PDE1C: variants seen among roughly 807,000 people sequenced by gnomAD.
The protein encoded by PDE1C is phosphodiesterase 1C, also known as dual specificity calcium/calmodulin-dependent 3',5'-cyclic nucleotide phosphodiesterase 1C.
PDE1C carries 62 observed loss-of-function variants against 93.1 expected under a neutral mutation model. The observed-to-expected ratio is 0.67, with a 90% confidence interval of 0.54 to 0.82. The LOEUF (loss-of-function observed/expected upper bound fraction) is 0.82. PDE1C is among the 40% of genes least tolerant of loss of function. The pLI is 0.00. For synonymous variants in PDE1C, 325 were observed against 310.1 expected, an observed-to-expected ratio of 1.05 and a Z score of -0.50; for missense variants, 742 against 884.6, an observed-to-expected ratio of 0.84 and a Z score of 2.04.
At chr7:32,230,188 A>G (rs1439654093) in intron 1 of PDE1C, among the ~76,000 whole-genome samples, 6 of 152,160 alleles carry the variant, frequency 3.9e-5, no homozygotes, top group Admixed American at 3.9e-4. Context: ...GCCCCTGCAC[A>G]AGCCTTCCTG....
At chr7:31,990,161 C>T (rs977693603) in intron 2 of PDE1C, among the ~76,000 whole-genome samples, 2 of 152,154 alleles carry the variant, frequency 1.3e-5, no homozygotes, top group Admixed American at 1.3e-4. Flanking sequence ...GCTCTGTATC[C>T]CCATCCAAAT....
At chr7:32,354,957 T>A (rs931230363) in intron 1 of PDE1C, among the ~76,000 whole-genome samples, 2 of 152,242 alleles carry the variant, frequency 1.3e-5, no homozygotes, top group Non-Finnish European at 2.9e-5. Flanking sequence ...TCAGTGGCCA[T>A]TGGAGTTTCC....
intron 2 of PDE1C, among the ~76,000 whole-genome samples, chr7:32,174,882 T>A (rs754484510): frequency 9.2e-5 from 14 of 152,216 alleles, no homozygotes; most frequent in Middle Eastern, 6.8e-3. Flanking sequence ...TGAAATTACA[T>A]CTTACCCATA....
At chr7:31,720,342 A>G in the PDE1C span, among the ~76,000 whole-genome samples, 1 of 152,050 alleles carries the variant, frequency 6.6e-6, no homozygotes, top group South Asian at 2.1e-4. Context: ...GGCCCTTGAG[A>G]GCAGGGTCAG....
At chr7:32,312,763 T>C (rs1783078340) in intron 1 of PDE1C, among the ~76,000 whole-genome samples, 1 of 152,124 alleles carries the variant, frequency 6.6e-6, no homozygotes, top group Non-Finnish European at 1.5e-5. Context: ...TCAAAATGGA[T>C]TAAAGACTTA....
intron 3 of PDE1C, among the ~76,000 whole-genome samples, chr7:32,087,907 C>A (rs1055898069): frequency 2.0e-5 from 3 of 151,114 alleles, no homozygotes; most frequent in Non-Finnish European, 4.4e-5. Flanking sequence ...TGCTAAATGA[C>A]GAGTTAATGG....
At position 31,894,604 on chromosome 7, in the gene PDE1C, C is replaced by T. The variant is rs112743913; in HGVS notation, c.129-13744G>A. On this transcript the variant is annotated intron_variant, in intron 2 of 17. Coordinates refer to ENST00000396191, the MANE Select transcript of PDE1C (RefSeq NM_001191057.4). ...AGATTCCTTCTTTCTCTCTCAGCCC[C>T]CACATTCACATATTTCTCAGAAAAG... 6.0e-3 allele frequency among the ~76,000 whole-genome samples: 908 copies of T among 152,250 alleles called. 2 individuals are homozygous for T. Among genetic ancestry groups the T allele is most frequent in the Middle Eastern group, 0.02 (6 of 294 alleles).
chr7:32,326,056 G>C (rs1478274888), intron 1 of PDE1C, among the ~76,000 whole-genome samples: 1 of 148,044 alleles, frequency 6.8e-6, no homozygotes, highest in Admixed American at 6.7e-5. Context: ...CGGTTGTGAG[G>C]AAAAAAAAAA....
chr7:32,061,795 AG>A (rs1794840347), intron 1 of PDE1C, among the ~76,000 whole-genome samples: 1 of 152,278 alleles, frequency 6.6e-6, no homozygotes, highest in South Asian at 2.1e-4. Context: ...AGCTGGCCTA[AG>A]TAAATGCCAA....
chr7:31,676,320 A>G, the PDE1C span, among the ~76,000 whole-genome samples: 1 of 151,956 alleles, frequency 6.6e-6, no homozygotes, highest in Non-Finnish European at 1.5e-5. Flanking sequence ...TTTAGACCAT[A>G]AAGAAAATCT....
intron 2 of PDE1C, among the ~76,000 whole-genome samples, chr7:31,904,823 A>G (rs1025420680): frequency 6.6e-6 from 1 of 152,184 alleles, no homozygotes; most frequent in Non-Finnish European, 1.5e-5. Context: ...TCAATCAACC[A>G]TATTTGTTGA....
intron 1 of PDE1C, among the ~76,000 whole-genome samples, chr7:32,326,190 T>C (rs1783399859): frequency 6.6e-6 from 1 of 152,182 alleles, no homozygotes; most frequent in African/African-American, 2.4e-5. Flanking sequence ...GTTTTGTACA[T>C]GCTAAGGTCA....
chr7:32,316,414 T>C (rs1014851842), intron 1 of PDE1C, among the ~76,000 whole-genome samples: 1 of 152,190 alleles, frequency 6.6e-6, no homozygotes, highest in East Asian at 1.9e-4. Flanking sequence ...TTCCATATCA[T>C]ACCAGGACCA....
At chr7:31,892,427 CAGTGACTTTACTAA>C (rs1356589208) in intron 2 of PDE1C, among the ~76,000 whole-genome samples, 1 of 152,168 alleles carries the variant, frequency 6.6e-6, no homozygotes, top group Non-Finnish European at 1.5e-5. Context: ...AAAAGAATCC[CAGTGACTTTACTAA>C]AGGCTCACTA....
chr7:32,375,513 G>A (rs2128088810), intron 1 of PDE1C, among the ~76,000 whole-genome samples: 1 of 152,322 alleles, frequency 6.6e-6, no homozygotes, highest in African/African-American at 2.4e-5. Context: ...CAGGGTGGTG[G>A]TGGTATATCA....
upstream of PDE1C, among the ~76,000 whole-genome samples, chr7:32,074,715 C>T (rs1401625124): frequency 6.6e-6 from 1 of 152,116 alleles, no homozygotes; most frequent in Non-Finnish European, 1.5e-5. Context: ...TGAACTGGAT[C>T]TTGAAAGTAG....
intron 1 of PDE1C, among the ~76,000 whole-genome samples, chr7:32,232,982 A>C (rs888249822): frequency 6.6e-6 from 1 of 152,252 alleles, no homozygotes; most frequent in Non-Finnish European, 1.5e-5. Flanking sequence ...TTTAATGTTC[A>C]GAATAAAATT....
rs534571385 is a variant in PDE1C, at chr7:32,182,720, T to C, written c.137-12764A>G. ...ACTGAATGGGCAAAAACTGGAAGCA[T>C]TCCCTTTGAAAACTGGCACAAGACA... On this transcript the variant is annotated intron_variant, in intron 2 of 18. Transcript: ENST00000396193. Among the ~76,000 whole-genome samples, 589 of 152,242 alleles carry C rather than the reference T, an allele frequency of 3.9e-3. 3 individuals are homozygous for C. Among genetic ancestry groups the C allele is most frequent in the African/African-American group, 0.013 (549 of 41,542 alleles).
chr7:32,117,848 G>C (rs1046217287), intron 3 of PDE1C, among the ~76,000 whole-genome samples: 2 of 152,188 alleles, frequency 1.3e-5, no homozygotes, highest in African/African-American at 4.8e-5. Context: ...TTTAAAGGTT[G>C]GGGGAAGGGG....
Sources: allele counts gnomAD v4.1 joint callset (sites outside exome capture counted in the v4.1 genomes callset), GRCh38; gene constraint gnomAD v4.1.1; transcripts MANE v1.5; gene names NCBI Gene and HGNC (gene_info 2026-07-23, HGNC 2026-07-21).